FIGLA: variants seen among roughly 807,000 people sequenced by gnomAD.
FIGLA encodes factor in the germline alpha.
A neutral mutation model predicts 21.5 loss-of-function variants in FIGLA; 17 were observed. The observed-to-expected ratio is 0.79, with a 90% confidence interval of 0.54 to 1.19. FIGLA has a LOEUF of 1.19. Ranked by LOEUF, FIGLA falls within the 50% of genes most tolerant of loss-of-function variation. The pLI is 0.00. For synonymous variants in FIGLA, 129 were observed against 117.6 expected, an observed-to-expected ratio of 1.10 and a Z score of -0.63; for missense variants, 282 against 285.0, an observed-to-expected ratio of 0.99 and a Z score of 0.08.
intron 3 of FIGLA, 54 bp from the exon 4 acceptor site, chr2:70,777,725 C>T (rs566876546): frequency 3.6e-5 from 34 of 941,798 alleles, no homozygotes; most frequent in South Asian, 1.5e-4. Context: ...TTATTTGTCA[C>T]GTTTAAGAGA....
chr2:70,790,318 G>T, intron 1 of FIGLA, 90 bp downstream of exon 1: 2 of 1,339,402 alleles, frequency 1.5e-6, no homozygotes, highest in South Asian at 3.2e-5. Context: ...GAGCGGGGGT[G>T]GGCGGTGAGC....
intron 3 of FIGLA, among the ~76,000 whole-genome samples, chr2:70,778,433 T>G (rs1675800418): frequency 1.3e-5 from 2 of 152,134 alleles, no homozygotes; most frequent in Non-Finnish European, 2.9e-5. Context: ...ACTATACAAG[T>G]GATCAACATT....
Position 70,790,541 on chromosome 2 carries a change from T to C in FIGLA, c.98A>G (p.Gln33Arg). 4 of 1,534,716 alleles carry C rather than the reference T, an allele frequency of 2.6e-6. No individual in the cohort carries two copies. The highest frequency in any genetic ancestry group is 3.5e-6 in the Non-Finnish European group (4 of 1,145,068). Reference sequence around the variant, plus strand: ...GGCCAGCTGGGGCAGCGGCCCGAACTGCTCCCGCAACACGTCCTCCAGCAC... The same window carrying C: ...GGCCAGCTGGGGCAGCGGCCCGAACCGCTCCCGCAACACGTCCTCCAGCAC... Reference protein sequence around the residue: ...AEVLEDVLREQFGPLPQLAAV... With the variant: ...AEVLEDVLRERFGPLPQLAAV... Residue 33 changes from glutamine to arginine, a missense_variant, in exon 1 of 5, where the codon CAG becomes CGG. By Grantham distance (43) the Gln-to-Arg change is conservative. Coordinates refer to ENST00000332372, the MANE Select transcript of FIGLA (RefSeq NM_001004311.3).
Position 70,787,764 on chromosome 2 carries a change from G to A in FIGLA, c.269C>T (p.Ala90Val), listed in dbSNP as rs1368524788. 1 of 1,613,050 alleles carries A rather than the reference G, an allele frequency of 6.2e-7. No individual in the cohort carries two copies. Among genetic ancestry groups the A allele is most frequent in the Non-Finnish European group, 8.5e-7 (1 of 1,179,684 alleles). Residue 90 changes from alanine (A) to valine (V), a missense_variant, in exon 2 of 5, where the codon GCA (alanine) becomes GTA (valine). Coordinates refer to ENST00000332372, the MANE Select transcript of FIGLA (RefSeq NM_001004311.3). ...NLNRGFARLKALVPFLPQSRK... is the reference protein window; with the variant it reads ...NLNRGFARLKVLVPFLPQSRK... ...GCTTTGGGGAAGAAATGGCACAAGT[G>A]CCTTCAATCTGGCAAAACCACGGTT... is the stretch of plus-strand genomic sequence containing the variant.
At chr2:70,783,683 A>G (rs372860325) in intron 3 of FIGLA, among the ~76,000 whole-genome samples, 10 of 151,770 alleles carry the variant, frequency 6.6e-5, no homozygotes, top group African/African-American at 1.7e-4. Context: ...AGTCAGGCTC[A>G]AGGTCTAGCT....
At chr2:70,789,436 G>C (rs1676016244) in intron 1 of FIGLA, among the ~76,000 whole-genome samples, 3 of 152,172 alleles carry the variant, frequency 2.0e-5, no homozygotes, top group Non-Finnish European at 4.4e-5. Flanking sequence ...CACCGAATCA[G>C]ATCACAGGGT....
intron 3 of FIGLA, among the ~76,000 whole-genome samples, chr2:70,780,718 C>T (rs34910168): frequency 0.057 from 8,632 of 152,150 alleles, 408 homozygotes; most frequent in Non-Finnish European, 0.08. Context: ...AAAGAAAATG[C>T]GAGTTCTTCT....
intron 2 of FIGLA, 24 bp from the exon 3 acceptor site, chr2:70,785,663 A>G: frequency 1.3e-6 from 2 of 1,560,922 alleles, no homozygotes; most frequent in South Asian, 1.1e-5. Context: ...TTAGTTGTCA[A>G]ACAGTATAAT....
chr2:70,790,050 G>C (rs1017281333), intron 1 of FIGLA, among the ~76,000 whole-genome samples: 3 of 152,228 alleles, frequency 2.0e-5, no homozygotes, highest in Admixed American at 2.0e-4. Context: ...AGCGCCTACG[G>C]TGTGAGATGA....
intron 1 of FIGLA, among the ~76,000 whole-genome samples, chr2:70,790,048 C>A (rs1391018972): frequency 6.6e-6 from 1 of 152,200 alleles, no homozygotes; most frequent in Admixed American, 6.5e-5. Context: ...CCAGCGCCTA[C>A]GGTGTGAGAT....
At chr2:70,789,529 C>T (rs1647017538) in intron 1 of FIGLA, among the ~76,000 whole-genome samples, 1 of 152,088 alleles carries the variant, frequency 6.6e-6, no homozygotes, top group South Asian at 2.1e-4. Context: ...CTGCGCTTGC[C>T]CTCTCCCTGC....
intron 2 of FIGLA, 41 bp from the exon 3 acceptor site, chr2:70,785,680 G>T: frequency 6.8e-7 from 1 of 1,475,062 alleles, no homozygotes; most frequent in Non-Finnish European, 9.5e-7. Context: ...TAATATGACA[G>T]AAAGATTTTG....
At chr2:70,790,121 T>C (rs1298579823) in intron 1 of FIGLA, among the ~76,000 whole-genome samples, 21 of 152,140 alleles carry the variant, frequency 1.4e-4, no homozygotes, top group Admixed American at 1.2e-3. Flanking sequence ...TTTTTGAAGT[T>C]GTCAGGGCCC....
intron 3 of FIGLA, among the ~76,000 whole-genome samples, chr2:70,782,323 A>G (rs1264105482): frequency 6.6e-6 from 1 of 152,248 alleles, no homozygotes; most frequent in Non-Finnish European, 1.5e-5. Context: ...CCGACGATGC[A>G]TATCTGAATC....
chr2:70,785,706 A>G (rs1675942038), intron 2 of FIGLA, 67 bp from the exon 3 acceptor site: 3 of 1,251,414 alleles, frequency 2.4e-6, no homozygotes, highest in Admixed American at 1.7e-5. Context: ...TTAAACTAAT[A>G]TATTTCAAAG....
At chr2:70,784,729 C>T (rs1361618259) in intron 3 of FIGLA, among the ~76,000 whole-genome samples, 1 of 152,150 alleles carries the variant, frequency 6.6e-6, no homozygotes, top group Non-Finnish European at 1.5e-5. Flanking sequence ...ATACACCTTT[C>T]TTATTTCAAT....
intron 1 of FIGLA, among the ~76,000 whole-genome samples, chr2:70,789,704 T>A (rs115448075): frequency 0.016 from 2,477 of 152,272 alleles, 33 homozygotes; most frequent in Non-Finnish European, 0.022. Context: ...ACCCGTAGAC[T>A]GCAAACGCTA....
At chr2:70,777,713 G>A (rs1553388539) in intron 3 of FIGLA, 42 bp from the exon 4 acceptor site, 7 of 1,058,414 alleles carry the variant, frequency 6.6e-6, no homozygotes, top group African/African-American at 4.7e-5. Flanking sequence ...TAAACACATC[G>A]GTTATTTGTC....
Position 70,790,547 on chromosome 2 carries a change from C to T in FIGLA, c.92G>A (p.Arg31Gln). The stretch of plus-strand genomic sequence containing the variant: ...CTGGGGCAGCGGCCCGAACTGCTCC[C>T]GCAACACGTCCTCCAGCACCTCGGC... The part of the protein sequence containing the change: ...PQAEVLEDVL[R>Q]EQFGPLPQLA... The change falls in exon 1 of 5, where the codon CGG (arginine) becomes CAG (glutamine). Residue 31 changes from arginine (R) to glutamine (Q), a missense_variant. By Grantham distance (43) the Arg-to-Gln change is conservative. Coordinates refer to ENST00000332372, the MANE Select transcript of FIGLA (RefSeq NM_001004311.3). 1.3e-6 allele frequency: 2 copies of T among 1,533,094 alleles called. No homozygotes were observed. The highest frequency in any genetic ancestry group is 1.4e-5 in the African/African-American group (1 of 72,298). The allele number at this position is 1,533,094 out of a possible 1,614,324, so 95.0% of individuals were successfully genotyped here.
Sources: allele counts gnomAD v4.1 joint callset (sites outside exome capture counted in the v4.1 genomes callset), GRCh38; gene constraint gnomAD v4.1.1; transcripts MANE v1.5; gene names NCBI Gene and HGNC (gene_info 2026-07-23, HGNC 2026-07-21).